The following IL1RAPL2 variants were observed in gnomAD, a reference collection of about 807,000 sequenced individuals.
IL1RAPL2 encodes the protein X-linked interleukin-1 receptor accessory protein-like 2.
In IL1RAPL2, 3 loss-of-function variants were observed where a neutral mutation model predicts 44.1. The ratio of observed to expected loss-of-function variants is 0.07; its 90% CI spans 0.03 to 0.18. The LOEUF is 0.18. IL1RAPL2 is among the 10% of genes least tolerant of loss of function. The pLI is 1.00. For missense variants in IL1RAPL2, 391 were observed against 496.4 expected (o/e 0.79, Z 2.02); for synonymous variants, 181 against 178.8 (o/e 1.01, Z -0.10).
At chrX:104,582,630 TTC>T (rs1928392784) in intron 1 of IL1RAPL2, among the ~76,000 whole-genome samples, 1 of 87,093 alleles carries the variant, frequency 1.1e-5, no homozygotes, top group East Asian at 3.4e-4. Flanking sequence ...CTTTCTTTCT[TTC>T]TTTCTTTCTC....
chrX:104,766,064 G>C (rs754466721), intron 2 of IL1RAPL2, among the ~76,000 whole-genome samples: 12 of 112,381 alleles, frequency 1.1e-4, no homozygotes, highest in African/African-American at 3.9e-4. Flanking sequence ...AAGACTGACT[G>C]TCTGCATTGG....
intron 4 of IL1RAPL2, among the ~76,000 whole-genome samples, chrX:105,266,817 C>T (rs1473826405): frequency 9.0e-6 from 1 of 111,664 alleles, no homozygotes; most frequent in Non-Finnish European, 1.9e-5. Flanking sequence ...TCCCTCTCTA[C>T]CCCCACATGG....
chrX:104,793,979 G>A (rs1932837957), intron 2 of IL1RAPL2, among the ~76,000 whole-genome samples: 1 of 111,822 alleles, frequency 8.9e-6, no homozygotes. Flanking sequence ...CAGGGACTCT[G>A]TAAAATTCTT....
intron 6 of IL1RAPL2, among the ~76,000 whole-genome samples, chrX:105,509,317 T>C (rs1281712114): frequency 9.0e-6 from 1 of 111,389 alleles, no homozygotes; most frequent in Non-Finnish European, 1.9e-5. Context: ...TGAGCCAACA[T>C]TGGAAAAAGC....
chrX:104,983,534 TATATA>T (rs1336720499), intron 2 of IL1RAPL2, among the ~76,000 whole-genome samples: 1 of 93,481 alleles, frequency 1.1e-5, no homozygotes, highest in Admixed American at 1.3e-4. Context: ...TACATAATAT[TATATA>T]ATATTATATT....
chrX:104,617,451 A>G (rs1419091416), intron 1 of IL1RAPL2, among the ~76,000 whole-genome samples: 3 of 112,138 alleles, frequency 2.7e-5, no homozygotes, highest in African/African-American at 9.7e-5. Context: ...TATTCCCTCA[A>G]ATATGTTTTC....
chrX:104,814,540 G>A (rs759456314), intron 2 of IL1RAPL2, among the ~76,000 whole-genome samples: 1 of 111,986 alleles, frequency 8.9e-6, no homozygotes, highest in South Asian at 3.7e-4. Flanking sequence ...CTGATTTAAC[G>A]AGACCTGCCA....
At chrX:104,692,718 C>A (rs979799121) in intron 2 of IL1RAPL2, among the ~76,000 whole-genome samples, 1 of 111,595 alleles carries the variant, frequency 9.0e-6, no homozygotes, top group South Asian at 3.8e-4. Flanking sequence ...TGTATATGTG[C>A]CACATTTTCT....
intron 6 of IL1RAPL2, among the ~76,000 whole-genome samples, chrX:105,571,986 G>A (rs1051113003): frequency 3.6e-5 from 4 of 111,290 alleles, no homozygotes; most frequent in African/African-American, 1.3e-4. Context: ...AATGATCAGT[G>A]TCTAGATCAG....
intron 5 of IL1RAPL2, among the ~76,000 whole-genome samples, chrX:105,466,765 G>T (rs1054453092): frequency 2.7e-5 from 3 of 111,240 alleles, no homozygotes; most frequent in Non-Finnish European, 3.8e-5. Flanking sequence ...TGCTATAACC[G>T]AATATCTGAG....
intron 6 of IL1RAPL2, among the ~76,000 whole-genome samples, chrX:105,640,674 A>G (rs1181163276): frequency 4.2e-4 from 39 of 93,647 alleles, no homozygotes; most frequent in Middle Eastern, 5.2e-3. Flanking sequence ...ATATATATAT[A>G]TATATATATA....
At chrX:104,770,026 T>G (rs751897731) in intron 2 of IL1RAPL2, among the ~76,000 whole-genome samples, 6 of 111,340 alleles carry the variant, frequency 5.4e-5, no homozygotes, top group Admixed American at 9.6e-5. Context: ...GTCACATAAA[T>G]GTATTACCTG....
intron 3 of IL1RAPL2, among the ~76,000 whole-genome samples, chrX:105,233,160 T>G (rs191712964): frequency 9.0e-6 from 1 of 111,033 alleles, no homozygotes; most frequent in African/African-American, 3.3e-5. Flanking sequence ...GGCGGGTGCC[T>G]GTAGTTCCAG....
chrX:104,879,527 G>A (rs760185199), intron 2 of IL1RAPL2, among the ~76,000 whole-genome samples: 3 of 111,316 alleles, frequency 2.7e-5, no homozygotes, highest in South Asian at 7.5e-4. Context: ...ATTTTCAAGT[G>A]TAATATGTTG....
At chrX:104,755,800 G>A (rs1258329337) in intron 2 of IL1RAPL2, among the ~76,000 whole-genome samples, 6 of 110,659 alleles carry the variant, frequency 5.4e-5, no homozygotes, top group Non-Finnish European at 9.5e-5. Context: ...GAATTTACTG[G>A]GATTACTTTG....
At chrX:105,519,829 G>C (rs72616902) in intron 6 of IL1RAPL2, among the ~76,000 whole-genome samples, 8,076 of 110,953 alleles carry the variant, frequency 0.073, 475 homozygotes, top group African/African-American at 0.2. Flanking sequence ...AGTTACATTT[G>C]TTTAACTCTA....
chrX:105,063,975 C>T (rs1173199541), intron 2 of IL1RAPL2, among the ~76,000 whole-genome samples: 1 of 112,228 alleles, frequency 8.9e-6, no homozygotes, highest in Non-Finnish European at 1.9e-5. Flanking sequence ...CCCACAGTGA[C>T]TGCACTGGAT....
chrX:105,457,033 TACACACAC>T (rs58305468), intron 5 of IL1RAPL2, among the ~76,000 whole-genome samples: 45 of 85,322 alleles, frequency 5.3e-4, no homozygotes, highest in South Asian at 3.3e-3. Flanking sequence ...TCTAAAGTTA[TACACACAC>T]ACACACACAC....
At chrX:105,021,371 C>T (rs1020828972) in intron 2 of IL1RAPL2, among the ~76,000 whole-genome samples, 2 of 111,003 alleles carry the variant, frequency 1.8e-5, no homozygotes, top group Non-Finnish European at 1.9e-5. Context: ...AAAAGAAGAA[C>T]GAAAAGAGAT....
Sources: allele counts gnomAD v4.1 joint callset (sites outside exome capture counted in the v4.1 genomes callset), GRCh38; gene constraint gnomAD v4.1.1; transcripts MANE v1.5; gene names NCBI Gene and HGNC (gene_info 2026-07-23, HGNC 2026-07-21).